Variants in SLC26A9 observed in about 807,000 individuals in gnomAD.
SLC26A9 encodes the protein anion transporter/exchanger protein 9.
A neutral mutation model predicts 87.1 loss-of-function variants in SLC26A9; 46 were observed. The ratio of observed to expected loss-of-function variants is 0.53; its 90% confidence interval spans 0.42 to 0.67. The LOEUF is 0.67. SLC26A9 is among the 30% of genes least tolerant of loss of function. SLC26A9 has a pLI of 0.00. For missense variants in SLC26A9, 927 were observed against 1,018.3 expected (o/e 0.91, Z 1.22); for synonymous variants, 437 against 409.1 (o/e 1.07, Z -0.82).
chr1:205,928,698 C>T, intron 8 of SLC26A9, 129 bp downstream of exon 8: 1 of 817,228 alleles, frequency 1.2e-6, no homozygotes, highest in South Asian at 1.7e-5. Context: ...AGTAATAATT[C>T]ATACATGGTC....
Position 205,915,248 on chromosome 1 carries a change from G to A in SLC26A9, c.*109C>T. On this transcript the variant is annotated 3_prime_UTR_variant, in exon 21 of 21. Coordinates refer to ENST00000367135, the MANE Select transcript of SLC26A9 (RefSeq NM_052934.4). ...GAGAGGAGAGAGGAACCCAAGCTCTGGGGGATGCACTTTCCTCCGCCCGAC... is the reference window on the plus strand; with the variant it reads ...GAGAGGAGAGAGGAACCCAAGCTCTAGGGGATGCACTTTCCTCCGCCCGAC... 1.3e-6 allele frequency: 2 copies of A among 1,599,974 alleles called. No individual in the cohort carries two copies. Among genetic ancestry groups the A allele is most frequent in the Non-Finnish European group, 1.7e-6 (2 of 1,171,822 alleles).
In SLC26A9 at chr1:205,921,616, T is replaced by A; in HGVS notation, c.2005A>T (p.Met669Leu). 7 of 1,611,828 alleles carry A rather than the reference T, an allele frequency of 4.3e-6. No homozygotes were observed. The highest frequency in any genetic ancestry group is 5.9e-6 in the Non-Finnish European group (7 of 1,179,348). The change falls in exon 17 of 21, where the codon ATG becomes TTG. Residue 669 changes from methionine (M) to leucine (L), a missense_variant. Transcript: ENST00000367135. ...AAGTCCACGAAGCTGACTCCACTCA[T>A]GTCCAGGATGAGGGTGTGGAAGGTG... ...FVTFHTLILDMSGVSFVDLMG... is the reference protein window; with the variant it reads ...FVTFHTLILDLSGVSFVDLMG...
At chr1:205,937,618 A>C (rs567891158) in intron 1 of SLC26A9, among the ~76,000 whole-genome samples, 46 of 152,286 alleles carry the variant, frequency 3.0e-4, no homozygotes, top group African/African-American at 1.1e-3. Context: ...GATGATTACT[A>C]TGATTAAGAT....
Position 205,932,871 on chromosome 1 carries a change from G to T in SLC26A9, c.266-59C>A, listed in dbSNP as rs946402977. On this transcript the variant is annotated intron_variant, in intron 3 of 20. Coordinates refer to ENST00000367135, the MANE Select transcript of SLC26A9 (RefSeq NM_052934.4). ...ATGACTAGCTTATGGGGATCACAGA[G>T]GGATGGAGTGGGGATGAGGAGAGGA... The T allele has an allele frequency of 1.6e-5, 25 of 1,602,518 alleles. No homozygotes were observed. In the African/African-American group the frequency reaches 3.3e-4, roughly 21 times the overall value.
At chr1:205,939,600 T>A (rs941366467) in intron 1 of SLC26A9, among the ~76,000 whole-genome samples, 3 of 151,788 alleles carry the variant, frequency 2.0e-5, no homozygotes, top group African/African-American at 7.3e-5. Flanking sequence ...AGCCAGCCCT[T>A]CAGGTGAGGG....
rs777120287 is a variant in SLC26A9, at chr1:205,924,403, G to C, written c.1476C>G (p.Val492=). The change falls in exon 13 of 21, where the codon GTC becomes GTG. Residue 492 remains valine (V), a synonymous_variant. Coordinates refer to ENST00000367135, the MANE Select transcript of SLC26A9 (RefSeq NM_052934.4). ...CTTACAACTGAGTCTGGAAGACCACGACCAGGACGGAGAAGGCGACACCCA... is the reference window on the plus strand; with the variant it reads ...CTTACAACTGAGTCTGGAAGACCACCACCAGGACGGAGAAGGCGACACCCA... ...VAVGVAFSVL[V]VVFQTQFRNG... is the part of the protein sequence containing the mutation. 3.1e-6 allele frequency: 5 copies of C among 1,614,040 alleles called. No individual in the cohort carries two copies. Among genetic ancestry groups the C allele is most frequent in the Non-Finnish European group, 4.2e-6 (5 of 1,180,022 alleles).
chr1:205,929,444 C>A, intron 6 of SLC26A9, 88 bp from the exon 7 acceptor site: 1 of 1,543,726 alleles, frequency 6.5e-7, no homozygotes, highest in Non-Finnish European at 8.8e-7. Context: ...GGAAGGGATG[C>A]CATCAAAGCT....
intron 1 of SLC26A9, 133 bp downstream of exon 1, chr1:205,943,232 C>T (rs1659824064): frequency 3.3e-5 from 5 of 152,028 alleles, no homozygotes; most frequent in Admixed American, 3.3e-4. Flanking sequence ...CTCCAGGGGC[C>T]AGAGTGTCCT....
At chr1:205,942,626 T>G (rs1571768234) in intron 1 of SLC26A9, among the ~76,000 whole-genome samples, 1 of 151,736 alleles carries the variant, frequency 6.6e-6, no homozygotes, top group Non-Finnish European at 1.5e-5. Flanking sequence ...GGATGAGGGG[T>G]TTGGAGGCTG....
intron 1 of SLC26A9, among the ~76,000 whole-genome samples, chr1:205,940,497 T>A (rs1366401640): frequency 6.6e-6 from 1 of 152,142 alleles, no homozygotes; most frequent in Non-Finnish European, 1.5e-5. Flanking sequence ...ATGGGAAGCA[T>A]GCAATAAACT....
Position 205,932,985 on chromosome 1 carries a change from C to T in SLC26A9, c.225G>A (p.Leu75=). 6.2e-7 allele frequency: 1 copy of T among 1,614,076 alleles called. No individual in the cohort carries two copies. The highest frequency in any genetic ancestry group is 8.5e-7 in the Non-Finnish European group (1 of 1,180,012). ...TGGATCCCCCGCTGAGTCCACCGAG[C>T]AGGTCAGGAATGATGTAGTCTTTAA... ...YKIKDYIIPD[L]LGGLSGGSIQ... is the part of the protein sequence containing the mutation. The change falls in exon 3 of 21, where the codon CTG becomes CTA. Residue 75 remains leucine (L), a synonymous_variant. Coordinates refer to ENST00000367135, the MANE Select transcript of SLC26A9 (RefSeq NM_052934.4).
intron 4 of SLC26A9, among the ~76,000 whole-genome samples, 162 bp from the exon 5 acceptor site, chr1:205,932,197 T>C (rs189961474): frequency 1.4e-4 from 21 of 152,332 alleles, no homozygotes; most frequent in African/African-American, 5.1e-4. Context: ...CTAACCATGA[T>C]CTATGCTTTT....
chr1:205,920,516 T>G (rs1185362266), intron 17 of SLC26A9, among the ~76,000 whole-genome samples: 1 of 152,160 alleles, frequency 6.6e-6, no homozygotes, highest in Non-Finnish European at 1.5e-5. Flanking sequence ...TTTTTTTTCT[T>G]TTGAGATGGA....
Position 205,929,900 on chromosome 1 carries a change from T to C in SLC26A9, c.709A>G (p.Ile237Val). Reference protein sequence around the residue: ...TIPSYTGPGSIVFTFIDICKN... With the variant: ...TIPSYTGPGSVVFTFIDICKN... ...TGCATCCCCAGACTCACAAAGACGA[T>C]GGACCCTGGGCCTGTGTAGGAGGGG... The change falls in exon 6 of 21, where the codon ATC becomes GTC. Residue 237 changes from isoleucine (I) to valine (V), a missense_variant. Transcript: ENST00000367135. The C allele has an allele frequency of 6.3e-7, 1 of 1,593,850 alleles. No individual in the cohort carries two copies. The highest frequency in any genetic ancestry group is 1.1e-5 in the South Asian group (1 of 90,124).
chr1:205,917,237 C>A (rs1236643897), intron 20 of SLC26A9, 46 bp downstream of exon 20: 2 of 1,604,818 alleles, frequency 1.2e-6, no homozygotes, highest in Non-Finnish European at 1.7e-6. Flanking sequence ...CCATCCTTCC[C>A]CTCTTCGCCC....
At chr1:205,935,909 C>A in intron 1 of SLC26A9, 71 bp from the exon 2 acceptor site, 2 of 1,499,672 alleles carry the variant, frequency 1.3e-6, no homozygotes, top group Non-Finnish European at 1.8e-6. Context: ...CCTTCTCTCT[C>A]TGGTCCTTGC....
chr1:205,921,971 C>T, intron 16 of SLC26A9, 124 bp from the exon 17 acceptor site: 1 of 1,263,634 alleles, frequency 7.9e-7, no homozygotes, highest in Non-Finnish European at 1.1e-6. Flanking sequence ...TGATGGTGAA[C>T]ACAGACCCTG....
At chr1:205,917,453 G>A (rs1449277664) in intron 19 of SLC26A9, 99 bp from the exon 20 acceptor site, 4 of 1,161,566 alleles carry the variant, frequency 3.4e-6, no homozygotes, top group Middle Eastern at 2.2e-4. Context: ...GCTCTGGTTG[G>A]ACGCTGCTTC....
intron 1 of SLC26A9, among the ~76,000 whole-genome samples, chr1:205,939,262 C>T (rs1482105239): frequency 1.3e-5 from 2 of 152,162 alleles, no homozygotes; most frequent in Admixed American, 6.5e-5. Flanking sequence ...TGTTCCTATT[C>T]GAAGGGGCTT....
Sources: allele counts gnomAD v4.1 joint callset (sites outside exome capture counted in the v4.1 genomes callset), GRCh38; gene constraint gnomAD v4.1.1; transcripts MANE v1.5; gene names NCBI Gene and HGNC (gene_info 2026-07-23, HGNC 2026-07-21).